CSMD3: variants seen among roughly 807,000 people sequenced by gnomAD.
CSMD3 encodes CUB and Sushi multiple domains 3.
CSMD3 carries 177 observed loss-of-function variants against 435.2 expected under a neutral mutation model. The observed-to-expected ratio is 0.41, with a 90% CI of 0.36 to 0.46. The LOEUF (loss-of-function observed/expected upper bound fraction) is 0.46. CSMD3 is among the 20% of genes least tolerant of loss of function. The pLI is 0.34. For synonymous variants in CSMD3, 1,656 were observed against 1,520.5 expected, an observed-to-expected ratio of 1.09 and a Z score of -2.07; for missense variants, 4,265 against 4,504.6, an observed-to-expected ratio of 0.95 and a Z score of 1.52.
At chr8:113,380,464 A>T (rs1479527996) in intron 1 of CSMD3, among the ~76,000 whole-genome samples, 1 of 152,178 alleles carries the variant, frequency 6.6e-6, no homozygotes, top group Admixed American at 6.6e-5. Flanking sequence ...GAAAAAAAAG[A>T]AAGAATTAGA....
chr8:113,123,712 G>A (rs1167838645), intron 4 of CSMD3, among the ~76,000 whole-genome samples: 3 of 151,964 alleles, frequency 2.0e-5, no homozygotes, highest in Non-Finnish European at 4.4e-5. Flanking sequence ...CTTTGCAATG[G>A]AATGCTCTGT....
chr8:113,398,779 T>C (rs1402577540), intron 1 of CSMD3, among the ~76,000 whole-genome samples: 1 of 152,092 alleles, frequency 6.6e-6, no homozygotes, highest in African/African-American at 2.4e-5. Context: ...AACTCACTAT[T>C]TTCCAGCCAT....
chr8:112,726,751 A>C (rs4876492), intron 13 of CSMD3, among the ~76,000 whole-genome samples: 50,423 of 151,652 alleles, frequency 0.33, 9,248 homozygotes, highest in African/African-American at 0.5. Flanking sequence ...GTAATGAAAG[A>C]TAATCCAAAT....
intron 32 of CSMD3, among the ~76,000 whole-genome samples, chr8:112,458,170 T>C (rs1817033050): frequency 6.8e-6 from 1 of 147,952 alleles, no homozygotes; most frequent in South Asian, 2.1e-4. Flanking sequence ...TGCAACTTTG[T>C]AAAGACAGTC....
intron 4 of CSMD3, among the ~76,000 whole-genome samples, chr8:113,129,867 TAC>T: frequency 6.6e-6 from 1 of 152,220 alleles, no homozygotes; most frequent in South Asian, 2.1e-4. Flanking sequence ...AATTTGTTTT[TAC>T]AAAGATAGGA....
At chr8:113,283,392 A>G (rs2093625723) in intron 2 of CSMD3, among the ~76,000 whole-genome samples, 1 of 152,094 alleles carries the variant, frequency 6.6e-6, no homozygotes, top group Admixed American at 6.6e-5. Flanking sequence ...AAGAAAAAAA[A>G]GAAAAAATCC....
At chr8:112,941,681 A>C (rs1483550203) in intron 9 of CSMD3, among the ~76,000 whole-genome samples, 3 of 151,870 alleles carry the variant, frequency 2.0e-5, no homozygotes, top group African/African-American at 7.2e-5. Flanking sequence ...GAAAGATTTT[A>C]GTAACATATT....
At chr8:112,476,098 T>C (rs1203814079) in intron 31 of CSMD3, among the ~76,000 whole-genome samples, 1 of 152,140 alleles carries the variant, frequency 6.6e-6, no homozygotes, top group Non-Finnish European at 1.5e-5. Context: ...CAGGCTGGAG[T>C]GCAATGATAT....
In CSMD3 at chr8:112,949,459, T is replaced by G. The variant is rs560132769; in HGVS notation, c.1421-1582A>C. Among the ~76,000 whole-genome samples the G allele has an allele frequency of 2.6e-5, 4 of 152,122 alleles. No individual in the cohort carries two copies. The East Asian group carries it at 5.8e-4, about 22-fold the overall frequency. ...GCCGATTCTACTACAGCGGACAAAT[T>G]GAAAGGCATTGGCTCACAACTCTCT... On this transcript the variant is annotated intron_variant, in intron 8 of 70. Coordinates refer to ENST00000297405, the MANE Select transcript of CSMD3 (RefSeq NM_198123.2).
chr8:112,491,617 C>G (rs1820705337), intron 31 of CSMD3, among the ~76,000 whole-genome samples: 2 of 151,988 alleles, frequency 1.3e-5, no homozygotes, highest in Admixed American at 1.3e-4. Context: ...CCACTGCACT[C>G]CAGCCTGAGC....
chr8:113,352,216 A>G (rs770214190), intron 1 of CSMD3, among the ~76,000 whole-genome samples: 11 of 152,050 alleles, frequency 7.2e-5, no homozygotes, highest in Non-Finnish European at 1.3e-4. Context: ...TTTTGAATAG[A>G]CCATCCTGCA....
chr8:112,609,909 T>C (rs1251245596), intron 22 of CSMD3, among the ~76,000 whole-genome samples: 1 of 152,070 alleles, frequency 6.6e-6, no homozygotes, highest in Non-Finnish European at 1.5e-5. Flanking sequence ...GTAAGTGAAA[T>C]AAGCCAGACA....
At chr8:112,971,731 T>A (rs562695775) in intron 7 of CSMD3, among the ~76,000 whole-genome samples, 1 of 152,294 alleles carries the variant, frequency 6.6e-6, no homozygotes, top group East Asian at 1.9e-4. Context: ...AATATGCATT[T>A]TTAATAGATC....
intron 5 of CSMD3, among the ~76,000 whole-genome samples, chr8:113,028,371 G>C (rs1353463873): frequency 6.6e-6 from 1 of 151,354 alleles, no homozygotes; most frequent in East Asian, 1.9e-4. Flanking sequence ...ACACAATATT[G>C]AAAGTGTGAA....
chr8:112,432,984 C>T (rs200771317), intron 32 of CSMD3, among the ~76,000 whole-genome samples: 1 of 151,576 alleles, frequency 6.6e-6, no homozygotes, highest in Non-Finnish European at 1.5e-5. Context: ...ACAGTTACAA[C>T]TTAATTCTGA....
intron 66 of CSMD3, among the ~76,000 whole-genome samples, chr8:112,238,328 CA>C (rs1563672305): frequency 6.6e-6 from 1 of 151,812 alleles, no homozygotes; most frequent in Non-Finnish European, 1.5e-5. Context: ...ATGCATGTAT[CA>C]CACTTCTTAC....
intron 22 of CSMD3, among the ~76,000 whole-genome samples, chr8:112,618,916 T>C (rs1833857660): frequency 6.6e-6 from 1 of 152,152 alleles, no homozygotes; most frequent in Non-Finnish European, 1.5e-5. Context: ...GTCCAGATCA[T>C]CTTTTTATTA....
chr8:113,133,272 C>T (rs1215012529), intron 4 of CSMD3, among the ~76,000 whole-genome samples: 3 of 151,952 alleles, frequency 2.0e-5, no homozygotes, highest in African/African-American at 7.2e-5. Context: ...GATATTTCTC[C>T]AAAGGTTATA....
At chr8:113,035,666 A>C (rs1475199278) in intron 5 of CSMD3, among the ~76,000 whole-genome samples, 1 of 152,010 alleles carries the variant, frequency 6.6e-6, no homozygotes, top group East Asian at 1.9e-4. Flanking sequence ...CTAAGAAAAA[A>C]ATAATTTTAA....
Sources: allele counts gnomAD v4.1 joint callset (sites outside exome capture counted in the v4.1 genomes callset), GRCh38; gene constraint gnomAD v4.1.1; transcripts MANE v1.5; gene names NCBI Gene and HGNC (gene_info 2026-07-23, HGNC 2026-07-21).